The following UTRN variants were observed in gnomAD, a reference collection of about 807,000 sequenced individuals.
UTRN encodes the protein utrophin, also known as dystrophin-related protein 1.
Under a neutral mutation model 463.9 loss-of-function variants are expected in UTRN, and 283 were observed. The observed-to-expected ratio is 0.61, with a 90% CI of 0.55 to 0.67. The LOEUF is 0.67. UTRN is among the 30% of genes least tolerant of loss of function. UTRN has a pLI of 0.00. For synonymous variants in UTRN, 1,442 were observed against 1,431.5 expected (o/e 1.01, Z -0.17); for missense variants, 3,922 against 4,084.3 (o/e 0.96, Z 1.08).
At chr6:144,558,112 T>C (rs1273662693) in intron 50 of UTRN, among the ~76,000 whole-genome samples, 1 of 152,206 alleles carries the variant, frequency 6.6e-6, no homozygotes, top group African/African-American at 2.4e-5. Flanking sequence ...ATAAAATGGG[T>C]ATTAGAGCAC....
chr6:144,684,914 T>C (rs1014192765), intron 52 of UTRN, among the ~76,000 whole-genome samples: 1 of 152,234 alleles, frequency 6.6e-6, no homozygotes, highest in African/African-American at 2.4e-5. Flanking sequence ...GTGATTTTAG[T>C]TACAAGGATG....
chr6:144,683,806 A>C (rs1427310405), intron 52 of UTRN, among the ~76,000 whole-genome samples: 3 of 152,216 alleles, frequency 2.0e-5, no homozygotes, highest in Non-Finnish European at 4.4e-5. Context: ...AATACCAGCC[A>C]TAAACATCAA....
At chr6:144,334,570 A>T (rs1584322845) in intron 2 of UTRN, among the ~76,000 whole-genome samples, 1 of 152,102 alleles carries the variant, frequency 6.6e-6, no homozygotes, top group Non-Finnish European at 1.5e-5. Flanking sequence ...TGCTGCCGCC[A>T]CCTGATACCT....
chr6:144,431,511 C>T (rs1785840306), intron 9 of UTRN, among the ~76,000 whole-genome samples: 1 of 152,252 alleles, frequency 6.6e-6, no homozygotes, highest in Non-Finnish European at 1.5e-5. Flanking sequence ...CTGCCCTGTT[C>T]TTTCTACAAA....
intron 2 of UTRN, among the ~76,000 whole-genome samples, chr6:144,392,238 T>A (rs1021785436): frequency 6.6e-6 from 1 of 152,244 alleles, no homozygotes; most frequent in Admixed American, 6.5e-5. Flanking sequence ...ATGCGGCTTT[T>A]AAAATTATGT....
At chr6:144,794,054 G>C in intron 63 of UTRN, 63 bp downstream of exon 63, 2 of 1,575,854 alleles carry the variant, frequency 1.3e-6, no homozygotes, top group South Asian at 2.4e-5. Flanking sequence ...GATGTTCTGA[G>C]ACATGGAATA....
intron 51 of UTRN, among the ~76,000 whole-genome samples, chr6:144,598,090 ACT>A (rs1433414447): frequency 6.6e-6 from 1 of 152,166 alleles, no homozygotes; most frequent in African/African-American, 2.4e-5. Flanking sequence ...AAAGAGTCAA[ACT>A]CTGTAATATT....
At chr6:144,824,837 G>A (rs1320976338) in intron 66 of UTRN, among the ~76,000 whole-genome samples, 1 of 150,596 alleles carries the variant, frequency 6.6e-6, no homozygotes, top group East Asian at 2.0e-4. Context: ...ACATAAGCCT[G>A]TGAGTCAAGC....
Position 144,426,329 on chromosome 6 carries a change from A to G in UTRN, c.448A>G (p.Thr150Ala). Reference sequence around the variant, plus strand: ...GGATGTCATGTCGGACCTGCAGCAGACGAACAGTGAGAAGATCCTGCTCAG... The same window carrying G: ...GGATGTCATGTCGGACCTGCAGCAGGCGAACAGTGAGAAGATCCTGCTCAG... ...MKDVMSDLQQTNSEKILLSWV... is the reference protein window; with the variant it reads ...MKDVMSDLQQANSEKILLSWV... The change falls in exon 7 of 75, where the codon ACG becomes GCG. Residue 150 changes from threonine (T) to alanine (A), a missense_variant. Physicochemically the swap from Thr to Ala is moderately conservative, Grantham distance 58 (BLOSUM62 0). Transcript: ENST00000367545. 6.2e-7 allele frequency: 1 copy of G among 1,614,092 alleles called. No homozygotes were observed.
intron 2 of UTRN, among the ~76,000 whole-genome samples, chr6:144,302,928 A>T (rs1015156058): frequency 1.3e-5 from 2 of 152,120 alleles, no homozygotes; most frequent in Non-Finnish European, 2.9e-5. Context: ...GGTAATGGGG[A>T]TGATGGGAGA....
At chr6:144,447,122 A>T in intron 14 of UTRN, 89 bp from the exon 15 acceptor site, 1 of 1,241,504 alleles carries the variant, frequency 8.1e-7, no homozygotes, top group Non-Finnish European at 1.1e-6. Flanking sequence ...AGCCTCTAAT[A>T]AAATAAAAGT....
In UTRN at chr6:144,614,026, C is replaced by G. The variant is rs995278908; in HGVS notation, c.7479+36738C>G. On this transcript the variant is annotated intron_variant, in intron 51 of 74. Coordinates refer to ENST00000367545, the MANE Select transcript of UTRN (RefSeq NM_007124.3). ...TGTGACTGTGGGAAAGAATGATTCT[C>G]TCATTATGAGTCAGAGCCTTTTTTT... Among the ~76,000 whole-genome samples, 4 of 152,022 alleles carry G rather than the reference C, an allele frequency of 2.6e-5. No homozygotes were observed. The East Asian group carries it at 7.7e-4, about 29-fold the overall frequency.
At chr6:144,520,356 A>G (rs1795979673) in intron 39 of UTRN, among the ~76,000 whole-genome samples, 1 of 152,214 alleles carries the variant, frequency 6.6e-6, no homozygotes, top group African/African-American at 2.4e-5. Context: ...CTTTTTATTC[A>G]TAACTGGTTT....
intron 2 of UTRN, among the ~76,000 whole-genome samples, chr6:144,348,443 A>G (rs1337469035): frequency 6.6e-6 from 1 of 152,194 alleles, no homozygotes; most frequent in Non-Finnish European, 1.5e-5. Context: ...CAAATAAAGG[A>G]ACACAGAATT....
chr6:144,364,147 T>C (rs766622556), intron 2 of UTRN, among the ~76,000 whole-genome samples: 7 of 152,162 alleles, frequency 4.6e-5, no homozygotes, highest in Non-Finnish European at 8.8e-5. Flanking sequence ...ATGGCAAAGC[T>C]CTCTTCGTGG....
chr6:144,530,141 C>T (rs1424803055), intron 41 of UTRN, among the ~76,000 whole-genome samples: 1 of 152,202 alleles, frequency 6.6e-6, no homozygotes, highest in African/African-American at 2.4e-5. Flanking sequence ...TATAAGATAA[C>T]ATAGACTGGG....
chr6:144,552,501 C>T (rs1241627379), intron 48 of UTRN, among the ~76,000 whole-genome samples: 5 of 152,090 alleles, frequency 3.3e-5, no homozygotes, highest in African/African-American at 4.8e-5. Flanking sequence ...TTTTCCATCA[C>T]CTCTCTTTTT....
chr6:144,679,622 G>C (rs779606721), intron 52 of UTRN, among the ~76,000 whole-genome samples: 9 of 152,090 alleles, frequency 5.9e-5, no homozygotes, highest in Non-Finnish European at 1.2e-4. Context: ...TAATGGAATG[G>C]TTTGATAGTT....
intron 3 of UTRN, among the ~76,000 whole-genome samples, chr6:144,411,292 G>A (rs1030011620): frequency 3.3e-5 from 5 of 152,098 alleles, no homozygotes; most frequent in African/African-American, 1.2e-4. Flanking sequence ...GTTTTGATTT[G>A]CATTTCCCTG....
Sources: gnomAD v4.1 joint callset for allele counts (sites outside exome capture counted in the v4.1 genomes callset) on GRCh38, gnomAD v4.1.1 for gene constraint, MANE v1.5 for transcripts, NCBI Gene and HGNC (gene_info 2026-07-23, HGNC 2026-07-21) for gene names.